The following POM121C variants were observed in gnomAD, a reference collection of about 807,000 sequenced individuals.
POM121C encodes the protein nuclear envelope pore membrane protein POM 121C.
A neutral mutation model predicts 66.4 loss-of-function variants in POM121C; 20 were observed. That is an observed-to-expected ratio of 0.30 (90% CI 0.21 to 0.44). The LOEUF is 0.44. Ranked by LOEUF, POM121C falls within the 20% of genes least tolerant of loss-of-function variation. POM121C has a pLI of 1.00. For synonymous variants in POM121C, 286 were observed against 528.0 expected (o/e 0.54, Z 6.28); for missense variants, 580 against 1,225.7 (o/e 0.47, Z 7.87).
intron 3 of POM121C, among the ~76,000 whole-genome samples, chr7:75,449,216 G>A (rs1563148520): frequency 6.6e-6 from 1 of 150,652 alleles, no homozygotes; most frequent in Non-Finnish European, 1.5e-5. Flanking sequence ...GCTACTGAGG[G>A]AATGATGTAG....
intron 4 of POM121C, 80 bp downstream of exon 4, chr7:75,441,352 G>A (rs1315624830): frequency 6.9e-7 from 1 of 1,452,394 alleles, no homozygotes; most frequent in African/African-American, 1.5e-5. Flanking sequence ...TTGCGTTGTA[G>A]TCATGTTGTC....
intron 3 of POM121C, among the ~76,000 whole-genome samples, chr7:75,462,003 CA>C (rs1407518169): frequency 1.4e-5 from 2 of 146,828 alleles, no homozygotes; most frequent in Non-Finnish European, 3.0e-5. Flanking sequence ...ATAAACCAAG[CA>C]AAACTGTCTG....
chr7:75,422,136 C>A lies in POM121C; in HGVS notation c.2116G>T (p.Ala706Ser). ...GGCTGCCCCTCAGCGGCCCCAAATGCGGGCTGGGGGTTGGCTCCCGGATAT... is the reference window on the plus strand; with the variant it reads ...GGCTGCCCCTCAGCGGCCCCAAATGAGGGCTGGGGGTTGGCTCCCGGATAT... ...PSYPGANPQPAFGAAEGQPPG... is the reference protein window; with the variant it reads ...PSYPGANPQPSFGAAEGQPPG... Residue 706 changes from alanine (A) to serine (S), a missense_variant, in exon 13 of 15, where the codon GCA (alanine) becomes TCA (serine). Ala to Ser is a moderately conservative substitution (Grantham distance 99). Coordinates refer to ENST00000615331, the MANE Select transcript of POM121C (RefSeq NM_001099415.3). 1.4e-6 allele frequency: 2 copies of A among 1,423,626 alleles called. No individual in the cohort carries two copies. Among genetic ancestry groups the A allele is most frequent in the Middle Eastern group, 4.5e-4 (2 of 4,410 alleles). 88.2% of individuals were successfully genotyped at this position (1,423,626 alleles called of 1,614,324 possible).
At position 75,486,233 on chromosome 7, in the gene POM121C, A is replaced by C. The variant is rs587691938; in HGVS notation, c.-827T>G. 5.5e-4 allele frequency: 155 copies of C among 283,756 alleles called. 3 individuals are homozygous for C. The highest frequency in any genetic ancestry group is 4.1e-3 in the South Asian group (148 of 35,756). 17.6% of individuals were successfully genotyped at this position (283,756 alleles called of 1,614,324 possible). A position where few individuals can be genotyped will look rare whatever the true frequency, so the allele number is the denominator to read the frequency against. On this transcript the variant is annotated 5_prime_UTR_variant, in exon 1 of 15. Coordinates refer to ENST00000615331, the MANE Select transcript of POM121C (RefSeq NM_001099415.3). ...CCCGCAGACTCGGTGATTCTCGTCC[A>C]CTAGAAGCCAAAGCCTGGGAACGAG...
chr7:75,457,499 T>C, intron 3 of POM121C, among the ~76,000 whole-genome samples: 1 of 143,106 alleles, frequency 7.0e-6, no homozygotes, highest in African/African-American at 2.6e-5. Flanking sequence ...GAAAACAGCC[T>C]GAAAAAAGCT....
chr7:75,447,315 CCA>C (rs1286974498), intron 3 of POM121C, among the ~76,000 whole-genome samples: 1 of 150,100 alleles, frequency 6.7e-6, no homozygotes, highest in African/African-American at 2.5e-5. Context: ...AAATATAAAC[CCA>C]CAGACCTGAA....
rs1789486341 is a variant in POM121C, at chr7:75,416,918, C to T, written c.*1878G>A. 1 of 1,428,114 alleles carries T rather than the reference C, an allele frequency of 7.0e-7. No individual in the cohort carries two copies. The highest frequency in any genetic ancestry group is 9.1e-7 in the Non-Finnish European group (1 of 1,095,944). 88.5% of individuals were successfully genotyped at this position (1,428,114 alleles called of 1,614,324 possible). A position where few individuals can be genotyped will look rare whatever the true frequency, so the allele number is the denominator to read the frequency against. ...AATGGAAAGTCCCAGCCTCCCGCTG[C>T]CGTCCAGTGTGTGTACTGTACACAT... On this transcript the variant is annotated 3_prime_UTR_variant, in exon 15 of 15. Transcript: ENST00000615331.
At chr7:75,450,225 T>C (rs1354144432) in intron 3 of POM121C, among the ~76,000 whole-genome samples, 22 of 152,110 alleles carry the variant, frequency 1.4e-4, no homozygotes, top group Non-Finnish European at 2.9e-4. Context: ...CATTTTGCTA[T>C]GGTAGCCCGA....
intron 3 of POM121C, among the ~76,000 whole-genome samples, chr7:75,448,291 T>C (rs1554475127): frequency 6.6e-6 from 1 of 151,772 alleles, no homozygotes; most frequent in East Asian, 1.9e-4. Flanking sequence ...CAGTAAGAAA[T>C]GTTAACGGAT....
chr7:75,477,180 A>C (rs1186867926), intron 1 of POM121C, among the ~76,000 whole-genome samples: 2 of 151,622 alleles, frequency 1.3e-5, no homozygotes, highest in African/African-American at 4.8e-5. Context: ...ATTTTACTTA[A>C]CAGGGAAAAA....
At chr7:75,439,398 T>C (rs1790542493) in intron 5 of POM121C, among the ~76,000 whole-genome samples, 174 bp from the exon 6 acceptor site, 1 of 152,188 alleles carries the variant, frequency 6.6e-6, no homozygotes, top group Admixed American at 6.5e-5. Context: ...TTTTTTTTTT[T>C]CAGACAGAGT....
chr7:75,469,744 T>C (rs1398241641), intron 3 of POM121C, among the ~76,000 whole-genome samples: 4 of 152,158 alleles, frequency 2.6e-5, no homozygotes, highest in Admixed American at 2.0e-4. Flanking sequence ...TCCAGCCTCA[T>C]TGGCTTTTTC....
intron 1 of POM121C, among the ~76,000 whole-genome samples, chr7:75,482,263 T>C (rs1792334039): frequency 6.6e-6 from 1 of 152,202 alleles, no homozygotes; most frequent in South Asian, 2.1e-4. Context: ...TTATGGGTTA[T>C]TCCTAGCCCC....
chr7:75,441,931 C>G (rs1790664688), intron 3 of POM121C, among the ~76,000 whole-genome samples: 1 of 141,644 alleles, frequency 7.1e-6, no homozygotes, highest in African/African-American at 2.6e-5. Flanking sequence ...GTTTTTAGAA[C>G]TGGAAAGAAG....
At chr7:75,419,216 G>A (rs1307333461) in intron 14 of POM121C, 104 bp downstream of exon 14, 24 of 1,467,892 alleles carry the variant, frequency 1.6e-5, no homozygotes, top group Non-Finnish European at 2.2e-5. Context: ...TCTTTCCTGT[G>A]CTGAACCTGA....
chr7:75,484,771 C>T (rs1554480629), intron 1 of POM121C, among the ~76,000 whole-genome samples: 1 of 151,730 alleles, frequency 6.6e-6, no homozygotes, highest in African/African-American at 2.4e-5. Context: ...AACATGACTC[C>T]TTTTACAAAT....
chr7:75,476,949 TA>T (rs1247080413), intron 1 of POM121C, among the ~76,000 whole-genome samples: 1 of 151,900 alleles, frequency 6.6e-6, no homozygotes, highest in East Asian at 1.9e-4. Context: ...AAAGCTGATT[TA>T]AAAAAACAAA....
At chr7:75,438,296 T>C (rs1790492591) in intron 6 of POM121C, among the ~76,000 whole-genome samples, 1 of 152,226 alleles carries the variant, frequency 6.6e-6, no homozygotes, top group African/African-American at 2.4e-5. Flanking sequence ...TTACAATGTA[T>C]TTCCTCTAAC....
rs185036522 is a variant in POM121C, at chr7:75,439,727, G to A, written c.228-503C>T. 3.5e-3 allele frequency among the ~76,000 whole-genome samples: 526 copies of A among 152,244 alleles called. 2 individuals carry two copies. The highest frequency in any genetic ancestry group is 0.012 in the African/African-American group (501 of 41,534). ...CCCTCAAGAGTCCCATGAGAGCAGA[G>A]ATTTTGTCTTGTCCACTGCTCTATC... On this transcript the variant is annotated intron_variant, in intron 5 of 14. Coordinates refer to ENST00000615331, the MANE Select transcript of POM121C (RefSeq NM_001099415.3).
Sources: gnomAD v4.1 joint callset for allele counts (sites outside exome capture counted in the v4.1 genomes callset) on GRCh38, gnomAD v4.1.1 for gene constraint, MANE v1.5 for transcripts, NCBI Gene and HGNC (gene_info 2026-07-23, HGNC 2026-07-21) for gene names.